Variants in NUMA1 observed in about 807,000 individuals in gnomAD.
NUMA1 encodes SP-H antigen.
In NUMA1, 62 loss-of-function variants were observed where a neutral mutation model predicts 237.1. The ratio of observed to expected loss-of-function variants is 0.26; its 90% CI spans 0.21 to 0.32. The LOEUF is 0.32. NUMA1 is among the 10% of genes least tolerant of loss of function. The pLI, the probability that NUMA1 is intolerant of heterozygous loss-of-function variation, is 1.00. For synonymous variants in NUMA1, 1,028 were observed against 1,066.1 expected (o/e 0.96, Z 0.70); for missense variants, 2,533 against 2,666.5 (o/e 0.95, Z 1.10).
Position 72,024,351 on chromosome 11 carries a change from T to G in NUMA1, c.131A>C (p.His44Pro). The G allele has an allele frequency of 6.2e-7, 1 of 1,614,124 alleles. No individual in the cohort carries two copies. Among genetic ancestry groups the G allele is most frequent in the Non-Finnish European group, 8.5e-7 (1 of 1,179,958 alleles). Residue 44 changes from histidine (H) to proline (P), a missense_variant and splice_region_variant, in exon 5 of 27, where the codon CAT (histidine) becomes CCT (proline). Around this residue, in one of 3 missense-constraint regions of NUMA1, gnomAD observed 1,414 missense variants for 1,508.1 expected, o/e 0.94. Transcript: ENST00000393695. ...SIFIKIIDRI[H>P]GTEEGQQILK... ...GATTTGCTGTCCCTCTTCAGTGCCA[T>G]GGCTAGAAAAAGAGCAAGTATTAGG... is the stretch of plus-strand genomic sequence containing the variant.
At chr11:72,038,595 CTT>C (rs1941309793) in intron 2 of NUMA1, among the ~76,000 whole-genome samples, 1 of 152,118 alleles carries the variant, frequency 6.6e-6, no homozygotes, top group African/African-American at 2.4e-5. Flanking sequence ...TTTAAGCAGA[CTT>C]TGGCTGGGAA....
intron 5 of NUMA1, 23 bp downstream of exon 5, chr11:72,024,251 A>G (rs150180847): frequency 6.2e-7 from 1 of 1,610,100 alleles, no homozygotes; most frequent in Non-Finnish European, 8.5e-7. Flanking sequence ...GCTTCTTCAT[A>G]GCTGGATAAG....
Position 72,015,518 on chromosome 11 carries a change from G to T in NUMA1, c.1985C>A (p.Ala662Asp). ...VEELQACVET[A>D]RQEQHEAQAQ... ...CTGGGCCTCATGCTGTTCCTGGCGG[G>T]CTGTCTCAACACAGGCCTGGAGTTC... Residue 662 changes from alanine to aspartate, a missense_variant, in exon 15 of 27, where the codon GCC becomes GAC. By Grantham distance (126) the Ala-to-Asp change is moderately radical (BLOSUM62 -2). Transcript: ENST00000393695. This position sits in a 1 kb window ranked among gnomAD's most constrained non-coding sequence, Gnocchi z 4.0. 6.2e-7 allele frequency: 1 copy of T among 1,613,246 alleles called. No individual in the cohort carries two copies.
chr11:72,014,322 C>T lies in NUMA1; in HGVS notation c.3181G>A (p.Gly1061Ser), dbSNP rs1956349819. Reference protein sequence around the residue: ...ALAHALTEKEGKDQELAKLRG... With the variant: ...ALAHALTEKESKDQELAKLRG... ...AGCTTGGCCAACTCCTGGTCCTTGC[C>T]TTCCTTTTCCGTCAGGGCATGAGCC... Residue 1061 changes from glycine to serine, a missense_variant, in exon 15 of 27, where the codon GGC (glycine) becomes AGC (serine). Physicochemically the swap from Gly to Ser is moderately conservative, Grantham distance 56. Around this residue, in one of 3 missense-constraint regions of NUMA1, gnomAD observed 1,414 missense variants for 1,508.1 expected, o/e 0.94. Coordinates refer to ENST00000393695, the MANE Select transcript of NUMA1 (RefSeq NM_006185.4). The surrounding 1 kb of genome is among the most constrained non-coding windows in gnomAD (Gnocchi z 4.6). 6.2e-7 allele frequency: 1 copy of T among 1,613,760 alleles called. No homozygotes were observed. Among genetic ancestry groups the T allele is most frequent in the South Asian group, 1.1e-5 (1 of 91,092 alleles).
At chr11:72,074,280 G>T (rs1190574374) in intron 1 of NUMA1, among the ~76,000 whole-genome samples, 2 of 152,168 alleles carry the variant, frequency 1.3e-5, no homozygotes, top group Admixed American at 6.5e-5. Context: ...TTGAACCTGG[G>T]AGGTGGAAGT....
chr11:72,015,881 T>C lies in NUMA1; in HGVS notation c.1622A>G (p.Gln541Arg), dbSNP rs61756007. ...KQAQLAQTLQQQEQASQGLRH... is the reference protein window; with the variant it reads ...KQAQLAQTLQRQEQASQGLRH... ...GAGGCCCTGGGAGGCCTGTTCTTGC[T>C]GTTGGAGGGTCTGTGCTAGCTGGGC... Residue 541 changes from glutamine (Q) to arginine (R), a missense_variant, in exon 15 of 27, where the codon CAG becomes CGG. Gln to Arg is a conservative substitution (Grantham distance 43, BLOSUM62 1). Around this residue, in one of 3 missense-constraint regions of NUMA1, gnomAD observed 1,414 missense variants for 1,508.1 expected, o/e 0.94. Coordinates refer to ENST00000393695, the MANE Select transcript of NUMA1 (RefSeq NM_006185.4). This position sits in a 1 kb window ranked among gnomAD's most constrained non-coding sequence, Gnocchi z 4.0. 46 of 1,614,062 alleles carry C rather than the reference T, an allele frequency of 2.8e-5. No homozygotes were observed. The highest frequency in any genetic ancestry group is 3.6e-5 in the Non-Finnish European group (43 of 1,180,040).
chr11:72,005,530 C>A, intron 22 of NUMA1, 161 bp from the exon 23 acceptor site: 1 of 632,226 alleles, frequency 1.6e-6, no homozygotes, highest in Non-Finnish European at 2.7e-6. Flanking sequence ...GGCACACAGA[C>A]TATTTCTATC....
chr11:72,073,383 T>C (rs1943556766), intron 1 of NUMA1, among the ~76,000 whole-genome samples: 2 of 150,588 alleles, frequency 1.3e-5, no homozygotes, highest in Admixed American at 6.6e-5. Context: ...CAGTAAACCA[T>C]GAATCTGACA....
intron 1 of NUMA1, among the ~76,000 whole-genome samples, chr11:72,075,535 T>C (rs539766169): frequency 2.6e-5 from 4 of 152,230 alleles, no homozygotes; most frequent in Non-Finnish European, 5.9e-5. Flanking sequence ...TAACACCCTC[T>C]CCAGAGAATC....
At chr11:72,068,421 A>T (rs1403495066) in intron 2 of NUMA1, 12 of 152,146 alleles carry the variant, frequency 7.9e-5, no homozygotes, top group Non-Finnish European at 1.3e-4. Flanking sequence ...GGAGTTCAAG[A>T]CCAGCCTGAC....
chr11:72,073,010 G>GCA (rs1177478840), intron 1 of NUMA1, among the ~76,000 whole-genome samples: 2 of 129,666 alleles, frequency 1.5e-5, no homozygotes, highest in Non-Finnish European at 3.1e-5. Context: ...TCGCGCCACT[G>GCA]CACTCAAGCC....
At chr11:72,049,639 GATAA>G (rs1229227093) in intron 2 of NUMA1, 7 of 120,574 alleles carry the variant, frequency 5.8e-5, no homozygotes, top group East Asian at 2.4e-4. Flanking sequence ...TCTATAGATA[GATAA>G]ATAAATAGAT....
chr11:72,013,165 C>G lies in NUMA1; in HGVS notation c.4338G>C (p.Leu1446=). Residue 1446 remains leucine, a synonymous_variant, in exon 15 of 27, where the codon CTG becomes CTC. Transcript: ENST00000393695. This position sits in a 1 kb window ranked among gnomAD's most constrained non-coding sequence, Gnocchi z 6.8. ...CCAGCCCCCGGTTCTCCTCTGCCAG[C>G]AGGCCATGCGCCTTCTTCAGCATGC... ...QLSMLKKAHG[L]LAEENRGLGE... 1 of 1,613,828 alleles carries G rather than the reference C, an allele frequency of 6.2e-7. No homozygotes were observed.
chr11:72,008,367 A>G (rs575132056), intron 20 of NUMA1: 11 of 423,530 alleles, frequency 2.6e-5, no homozygotes, highest in Admixed American at 7.2e-5. Flanking sequence ...TCGGTCTCCA[A>G]TGGGCCTTCC....
chr11:72,009,508 G>C, intron 17 of NUMA1, 121 bp from the exon 18 acceptor site: 1 of 1,292,736 alleles, frequency 7.7e-7, no homozygotes. Flanking sequence ...GGAAGCGGAA[G>C]AAAACCACAC....
At chr11:72,004,618 A>G (rs776309652) in intron 24 of NUMA1, 22 bp downstream of exon 24, 3 of 1,607,854 alleles carry the variant, frequency 1.9e-6, no homozygotes, top group African/African-American at 1.3e-5. Context: ...CTGGAGTAAC[A>G]CCCAGGAGCC....
At chr11:72,077,610 C>A (rs890502249) in intron 1 of NUMA1, among the ~76,000 whole-genome samples, 1 of 151,920 alleles carries the variant, frequency 6.6e-6, no homozygotes, top group Non-Finnish European at 1.5e-5. Flanking sequence ...GTCAGGGGAT[C>A]GAGACCATCA....
chr11:72,027,035 T>C (rs1300593517), intron 4 of NUMA1, among the ~76,000 whole-genome samples: 1 of 152,190 alleles, frequency 6.6e-6, no homozygotes, highest in African/African-American at 2.4e-5. Context: ...TATGAAAATT[T>C]CCTAGCAGGT....
chr11:72,047,142 A>G (rs1430921622), intron 2 of NUMA1, among the ~76,000 whole-genome samples: 1 of 151,898 alleles, frequency 6.6e-6, no homozygotes, highest in Non-Finnish European at 1.5e-5. Flanking sequence ...CCATCGCATC[A>G]GGATTTACAT....
Sources: gnomAD v4.1 joint callset for allele counts (sites outside exome capture counted in the v4.1 genomes callset) on GRCh38, gnomAD v4.1.1 for gene constraint, gnomAD v4.1.1 regional missense constraint, Gnocchi (gnomAD v3.1) non-coding constraint, MANE v1.5 for transcripts, NCBI Gene and HGNC (gene_info 2026-07-23, HGNC 2026-07-21) for gene names.